COL26A1: variants seen among roughly 807,000 people sequenced by gnomAD.
The protein encoded by COL26A1 is collagen type XXVI alpha 1 chain.
Under a neutral mutation model 59.3 loss-of-function variants are expected in COL26A1, and 41 were observed. The ratio of observed to expected loss-of-function variants is 0.69; its 90% CI spans 0.54 to 0.90. The LOEUF (loss-of-function observed/expected upper bound fraction) is 0.90. Among genes scored for constraint, COL26A1 ranks in the 40% least tolerant of loss-of-function variants. The pLI, the probability that COL26A1 is intolerant of heterozygous loss-of-function variation, is 0.00. For synonymous variants in COL26A1, 266 were observed against 256.0 expected (o/e 1.04, Z -0.37); for missense variants, 612 against 602.3 (o/e 1.02, Z -0.17).
At chr7:101,402,553 CTT>C (rs1392610810) in intron 1 of COL26A1, among the ~76,000 whole-genome samples, 1 of 151,032 alleles carries the variant, frequency 6.6e-6, no homozygotes, top group Non-Finnish European at 1.5e-5. Context: ...CTTTCTTTCT[CTT>C]TTTCTTTCTT....
chr7:101,555,735 C>G (rs1315696712), intron 11 of COL26A1, 52 bp from the exon 12 acceptor site: 3 of 1,426,598 alleles, frequency 2.1e-6, no homozygotes, highest in Non-Finnish European at 1.9e-6. Flanking sequence ...CAGGATGGCC[C>G]TGACCCCTTC....
intron 3 of COL26A1, among the ~76,000 whole-genome samples, chr7:101,505,548 C>T (rs578115833): frequency 3.4e-4 from 52 of 152,278 alleles, no homozygotes; most frequent in African/African-American, 1.3e-3. Context: ...GCAAGGAAGC[C>T]AGTCCGAGTT....
chr7:101,467,402 G>A lies in COL26A1; in HGVS notation c.385+19615G>A, dbSNP rs187631657. On this transcript the variant is annotated intron_variant, in intron 3 of 12. Coordinates refer to ENST00000313669, the MANE Select transcript of COL26A1 (RefSeq NM_001278563.3). ...GGTGGTTTATAGATGAGCCTGAAGA[G>A]GCAGAGTCTGATTTACACAGCGCCC... Among the ~76,000 whole-genome samples the A allele has an allele frequency of 1.6e-3, 238 of 146,746 alleles. 3 individuals are homozygous for A. The highest frequency in any genetic ancestry group is 5.3e-3 in the African/African-American group (216 of 41,024).
chr7:101,500,159 CG>C (rs537626030), intron 3 of COL26A1, among the ~76,000 whole-genome samples: 21 of 152,144 alleles, frequency 1.4e-4, no homozygotes, highest in Non-Finnish European at 2.6e-4. Flanking sequence ...CTGGGGCATG[CG>C]TGCCTTCTCT....
intron 3 of COL26A1, among the ~76,000 whole-genome samples, chr7:101,517,659 G>A (rs1176717241): frequency 3.3e-5 from 5 of 152,106 alleles, no homozygotes; most frequent in African/African-American, 1.2e-4. Context: ...TGAGATTTGG[G>A]TGAGGACACA....
At chr7:101,541,093 C>A (rs76228681) in intron 5 of COL26A1, among the ~76,000 whole-genome samples, 1 of 152,208 alleles carries the variant, frequency 6.6e-6, no homozygotes, top group African/African-American at 2.4e-5. Context: ...TGCAGTTTGC[C>A]GCAGTCCCCA....
rs867942082 is a variant in COL26A1, at chr7:101,489,864, T to C, written c.385+42077T>C. ...TTTCTTTCTTTCTTTCTTTCTTTCTTTCTTTCTTTCTTTCTTTCTTTCTTT... is the reference window on the plus strand; with the variant it reads ...TTTCTTTCTTTCTTTCTTTCTTTCTCTCTTTCTTTCTTTCTTTCTTTCTTT... On this transcript the variant is annotated intron_variant, in intron 3 of 12. Transcript: ENST00000313669. Among the ~76,000 whole-genome samples the C allele has an allele frequency of 7.2e-4, 39 of 54,374 alleles. 5 individuals carry two copies. Among genetic ancestry groups the C allele is most frequent in the East Asian group, 2.3e-3 (6 of 2,558 alleles). The allele number at this position is 54,374 out of a possible 152,430, so 35.7% of individuals were successfully genotyped here.
chr7:101,473,909 T>G (rs924939361), intron 3 of COL26A1, among the ~76,000 whole-genome samples: 1 of 152,124 alleles, frequency 6.6e-6, no homozygotes, highest in Non-Finnish European at 1.5e-5. Flanking sequence ...AGCCTCACTT[T>G]GCCCATCAAT....
chr7:101,421,783 G>A (rs1792527913), intron 2 of COL26A1, among the ~76,000 whole-genome samples: 1 of 152,066 alleles, frequency 6.6e-6, no homozygotes, highest in East Asian at 1.9e-4. Context: ...CATGTATGTT[G>A]TGGGGAGACA....
intron 1 of COL26A1, among the ~76,000 whole-genome samples, chr7:101,418,072 C>T (rs973768235): frequency 1.3e-5 from 2 of 151,988 alleles, no homozygotes; most frequent in South Asian, 4.1e-4. Context: ...GCTATGTTGC[C>T]CAGGCTAGTC....
intron 3 of COL26A1, among the ~76,000 whole-genome samples, chr7:101,517,366 G>A (rs1795048666): frequency 6.8e-6 from 1 of 147,034 alleles, no homozygotes; most frequent in Non-Finnish European, 1.5e-5. Flanking sequence ...CCAAGATTGG[G>A]CAATTTACAG....
intron 3 of COL26A1, among the ~76,000 whole-genome samples, chr7:101,532,731 A>G (rs2130639002): frequency 6.6e-6 from 1 of 152,274 alleles, no homozygotes; most frequent in South Asian, 2.1e-4. Context: ...ATCAATTGTC[A>G]GATATTTTTT....
intron 1 of COL26A1, among the ~76,000 whole-genome samples, chr7:101,379,740 ACCAAAAC>A (rs1444415617): frequency 2.0e-5 from 3 of 152,120 alleles, no homozygotes; most frequent in Admixed American, 1.3e-4. Flanking sequence ...GCCAAAACCC[ACCAAAAC>A]CAAGATGGAG....
chr7:101,396,734 G>C (rs1272648223), intron 1 of COL26A1, among the ~76,000 whole-genome samples: 1 of 152,100 alleles, frequency 6.6e-6, no homozygotes, highest in East Asian at 1.9e-4. Context: ...AGGTGCTGGG[G>C]TTACAGGTGT....
chr7:101,473,751 A>G (rs1793967765), intron 3 of COL26A1, among the ~76,000 whole-genome samples: 1 of 151,688 alleles, frequency 6.6e-6, no homozygotes, highest in Non-Finnish European at 1.5e-5. Flanking sequence ...TACTTGGGAG[A>G]TTGTGGTGGG....
intron 4 of COL26A1, among the ~76,000 whole-genome samples, chr7:101,535,658 G>C (rs1795466022): frequency 6.6e-6 from 1 of 152,192 alleles, no homozygotes; most frequent in Admixed American, 6.5e-5. Flanking sequence ...GAGGGCTGGA[G>C]GGAGGGACAG....
chr7:101,514,386 G>T (rs944719480), intron 3 of COL26A1, among the ~76,000 whole-genome samples: 6 of 152,122 alleles, frequency 3.9e-5, no homozygotes, highest in African/African-American at 1.4e-4. Context: ...AAACCACAAC[G>T]AGATTCTGTT....
chr7:101,504,146 G>T (rs1334883309), intron 3 of COL26A1, among the ~76,000 whole-genome samples: 1 of 152,030 alleles, frequency 6.6e-6, no homozygotes, highest in Non-Finnish European at 1.5e-5. Flanking sequence ...CATCACCCAG[G>T]CTGGAGTGCA....
intron 2 of COL26A1, among the ~76,000 whole-genome samples, chr7:101,431,261 C>CT (rs1487094788): frequency 6.6e-6 from 1 of 151,982 alleles, no homozygotes; most frequent in East Asian, 1.9e-4. Context: ...GCTTTTCTTT[C>CT]TTTTTTTCTG....
Sources: allele counts gnomAD v4.1 joint callset (sites outside exome capture counted in the v4.1 genomes callset), GRCh38; gene constraint gnomAD v4.1.1; transcripts MANE v1.5; gene names NCBI Gene and HGNC (gene_info 2026-07-23, HGNC 2026-07-21).